Variants in ZNF385B observed in about 807,000 individuals in gnomAD.
The protein encoded by ZNF385B is zinc finger protein 533.
A neutral mutation model predicts 39.2 loss-of-function variants in ZNF385B; 23 were observed. That is an observed-to-expected ratio of 0.59 (90% CI 0.42 to 0.83). The LOEUF (loss-of-function observed/expected upper bound fraction) is 0.83, where lower values mean the gene tolerates loss of function less well. ZNF385B is among the 40% of genes least tolerant of loss of function. The probability of loss-of-function intolerance (pLI) is 0.00; values close to 1 mark genes in which losing one functional copy is unlikely to be tolerated. For missense variants in ZNF385B, 552 were observed against 598.9 expected, an observed-to-expected ratio of 0.92 and a Z score of 0.82; for synonymous variants, 205 against 222.6, an observed-to-expected ratio of 0.92 and a Z score of 0.70.
At chr2:179,592,977 T>C (rs925828600) in intron 3 of ZNF385B, among the ~76,000 whole-genome samples, 5 of 152,166 alleles carry the variant, frequency 3.3e-5, no homozygotes, top group South Asian at 2.1e-4. Context: ...ACCTAAACTT[T>C]TGCAGTGAGC....
At chr2:179,809,541 T>A (rs1407004863) in intron 1 of ZNF385B, among the ~76,000 whole-genome samples, 1 of 152,130 alleles carries the variant, frequency 6.6e-6, no homozygotes, top group Non-Finnish European at 1.5e-5. Context: ...CGTTGAGTCT[T>A]ATGCTACATA....
At chr2:179,706,492 GA>G in intron 3 of ZNF385B, among the ~76,000 whole-genome samples, 1 of 152,206 alleles carries the variant, frequency 6.6e-6, no homozygotes, top group Non-Finnish European at 1.5e-5. Flanking sequence ...TGGGATTGGG[GA>G]AGGGGAAATC....
chr2:179,531,417 C>T lies in ZNF385B; in HGVS notation c.442-12779G>A, dbSNP rs529626685. Among the ~76,000 whole-genome samples the T allele has an allele frequency of 2.0e-5, 3 of 152,124 alleles. No homozygotes were observed. The South Asian group carries it at 6.2e-4, about 32-fold the overall frequency. On this transcript the variant is annotated intron_variant, in intron 4 of 9. Transcript: ENST00000410066. ...TTGGGAGACCGAGGTGGGAGGATCA[C>T]CTGAGGTCAGGAGTTTGAGATCAGC...
chr2:179,838,144 G>A (rs1483594457), intron 1 of ZNF385B, among the ~76,000 whole-genome samples: 1 of 152,142 alleles, frequency 6.6e-6, no homozygotes. Flanking sequence ...AAGAATTCTT[G>A]TGTTATACAG....
At position 179,790,152 on chromosome 2, in the gene ZNF385B, T is replaced by C. The variant is rs193275837; in HGVS notation, c.-154-19480A>G. ...AAACTCCCTGAGGTGTTGCTAACTA[T>C]GGATCTCAGTTCCTTCCATTCTTAC... On this transcript the variant is annotated intron_variant, in intron 1 of 9. Transcript: ENST00000410066. Among the ~76,000 whole-genome samples, 5 of 152,348 alleles carry C rather than the reference T, an allele frequency of 3.3e-5. No individual in the cohort carries two copies. The East Asian group carries it at 7.7e-4, about 24-fold the overall frequency.
intron 3 of ZNF385B, among the ~76,000 whole-genome samples, chr2:179,704,342 T>C (rs767445209): frequency 6.6e-6 from 1 of 152,206 alleles, no homozygotes; most frequent in African/African-American, 2.4e-5. Context: ...TAAAGACATA[T>C]AGAAAAATGT....
At chr2:179,775,050 C>A (rs1319887638) in intron 1 of ZNF385B, among the ~76,000 whole-genome samples, 1 of 152,198 alleles carries the variant, frequency 6.6e-6, no homozygotes. Context: ...ATGCCTTGTA[C>A]TGCCTCCTGA....
At chr2:179,648,443 T>C (rs1169187645) in intron 3 of ZNF385B, among the ~76,000 whole-genome samples, 1 of 152,132 alleles carries the variant, frequency 6.6e-6, no homozygotes, top group Non-Finnish European at 1.5e-5. Flanking sequence ...GTTTTCAACA[T>C]ACACTGACAG....
intron 5 of ZNF385B, among the ~76,000 whole-genome samples, chr2:179,493,679 A>ATG (rs1308631208): frequency 1.7e-4 from 19 of 110,266 alleles, no homozygotes; most frequent in African/African-American, 2.6e-4. Flanking sequence ...ATATGCATAT[A>ATG]CATATACACA....
At chr2:179,829,735 G>T (rs751628456) in intron 1 of ZNF385B, among the ~76,000 whole-genome samples, 1 of 152,078 alleles carries the variant, frequency 6.6e-6, no homozygotes, top group Non-Finnish European at 1.5e-5. Flanking sequence ...CGATGGTCTC[G>T]ATCTCCTGAC....
chr2:179,607,866 T>C (rs1454501501), intron 3 of ZNF385B, among the ~76,000 whole-genome samples: 1 of 151,768 alleles, frequency 6.6e-6, no homozygotes, highest in African/African-American at 2.4e-5. Context: ...GAATTTCCCA[T>C]GTACACTATT....
At chr2:179,837,640 T>G (rs1708323248) in intron 1 of ZNF385B, among the ~76,000 whole-genome samples, 1 of 152,228 alleles carries the variant, frequency 6.6e-6, no homozygotes, top group Non-Finnish European at 1.5e-5. Flanking sequence ...CTGCTTCATC[T>G]AAAAGGTATT....
intron 3 of ZNF385B, among the ~76,000 whole-genome samples, chr2:179,647,981 AG>A (rs199817398): frequency 6.6e-6 from 1 of 152,104 alleles, no homozygotes; most frequent in Admixed American, 6.5e-5. Context: ...GACTTAGAAA[AG>A]GGGGGTCAGA....
At chr2:179,702,052 G>A (rs923632722) in intron 3 of ZNF385B, among the ~76,000 whole-genome samples, 11 of 151,918 alleles carry the variant, frequency 7.2e-5, no homozygotes, top group Non-Finnish European at 1.5e-4. Flanking sequence ...GACTTTTCAC[G>A]TTTTCATTTT....
intron 4 of ZNF385B, chr2:179,534,698 A>T (rs904537427): frequency 1.3e-5 from 2 of 152,152 alleles, no homozygotes; most frequent in Non-Finnish European, 2.9e-5. Context: ...AATGAAGTGA[A>T]TCACCTACCT....
intron 4 of ZNF385B, among the ~76,000 whole-genome samples, chr2:179,523,088 C>T (rs1451712721): frequency 6.6e-6 from 1 of 152,080 alleles, no homozygotes; most frequent in African/African-American, 2.4e-5. Flanking sequence ...TAATGAAAAT[C>T]ATGCAGAAAT....
intron 3 of ZNF385B, among the ~76,000 whole-genome samples, chr2:179,615,713 G>C (rs1225299707): frequency 1.3e-5 from 2 of 152,080 alleles, no homozygotes; most frequent in Non-Finnish European, 2.9e-5. Flanking sequence ...CTGTAGAAGA[G>C]GTACTTATTG....
At chr2:179,509,644 T>C (rs1574517171) in intron 5 of ZNF385B, among the ~76,000 whole-genome samples, 2 of 152,350 alleles carry the variant, frequency 1.3e-5, no homozygotes, top group African/African-American at 2.4e-5. Context: ...GTCTTATTTA[T>C]GGCAAAAATG....
chr2:179,621,210 A>G (rs1228121962), intron 3 of ZNF385B, among the ~76,000 whole-genome samples: 1 of 152,198 alleles, frequency 6.6e-6, no homozygotes, highest in Non-Finnish European at 1.5e-5. Context: ...GCAAGTTAAA[A>G]TAGCACAGGA....
Sources: gnomAD v4.1 joint callset for allele counts (sites outside exome capture counted in the v4.1 genomes callset) on GRCh38, gnomAD v4.1.1 for gene constraint, MANE v1.5 for transcripts, NCBI Gene and HGNC (gene_info 2026-07-23, HGNC 2026-07-21) for gene names.